ANO3: variants seen among roughly 807,000 people sequenced by gnomAD.
The protein encoded by ANO3 is anoctamin-3.
ANO3 carries 99 observed loss-of-function variants against 144.8 expected under a neutral mutation model. That is an observed-to-expected ratio of 0.68 (90% CI 0.58 to 0.81). The LOEUF (loss-of-function observed/expected upper bound fraction) is 0.81, where lower values mean the gene tolerates loss of function less well. Ranked by LOEUF, ANO3 falls within the 30% of genes least tolerant of loss-of-function variation. The probability of loss-of-function intolerance (pLI) is 0.00; values close to 1 mark genes in which losing one functional copy is unlikely to be tolerated. For missense variants in ANO3, 905 were observed against 1,202.2 expected (o/e 0.75, Z 3.66); for synonymous variants, 414 against 392.6 (o/e 1.05, Z -0.64).
intron 3 of ANO3, among the ~76,000 whole-genome samples, chr11:26,444,249 A>G (rs1858628354): frequency 6.6e-6 from 1 of 152,188 alleles, no homozygotes; most frequent in African/African-American, 2.4e-5. Context: ...AAGTTTACTC[A>G]ATCTCCTTTT....
intron 1 of ANO3, among the ~76,000 whole-genome samples, chr11:26,236,727 A>G (rs1228247205): frequency 4.0e-5 from 6 of 149,474 alleles, no homozygotes; most frequent in African/African-American, 1.5e-4. Flanking sequence ...CTGAGGCAGG[A>G]GAATGGCGTG....
chr11:26,458,643 A>G (rs918747413), intron 3 of ANO3, among the ~76,000 whole-genome samples: 3 of 152,170 alleles, frequency 2.0e-5, no homozygotes, highest in Non-Finnish European at 4.4e-5. Context: ...AAGCAATTTA[A>G]TGGATGCAAA....
At chr11:26,227,111 T>C (rs1852272723) in intron 1 of ANO3, among the ~76,000 whole-genome samples, 1 of 152,194 alleles carries the variant, frequency 6.6e-6, no homozygotes, top group Non-Finnish European at 1.5e-5. Context: ...TCAACCATGT[T>C]GTTACATGTG....
chr11:26,479,440 G>A lies in ANO3; in HGVS notation c.432+16292G>A, dbSNP rs538425990. On this transcript the variant is annotated intron_variant, in intron 4 of 26. Coordinates refer to ENST00000256737, the MANE Select transcript of ANO3 (RefSeq NM_031418.4). ...AGGAAAGAGGTTTAATGGACTCACA[G>A]TTCCACATGGCTGGGGAGGCCTCAT... 2.0e-5 allele frequency among the ~76,000 whole-genome samples: 3 copies of A among 152,270 alleles called. No individual in the cohort carries two copies. The South Asian group carries it at 6.2e-4, about 32-fold the overall frequency.
intron 17 of ANO3, among the ~76,000 whole-genome samples, chr11:26,622,106 C>T (rs1852432115): frequency 6.6e-6 from 1 of 152,132 alleles, no homozygotes; most frequent in African/African-American, 2.4e-5. Context: ...TTTTGTAGCT[C>T]ATCAGTGATG....
chr11:26,499,787 T>A (rs1017441535), intron 4 of ANO3, among the ~76,000 whole-genome samples: 3 of 151,932 alleles, frequency 2.0e-5, no homozygotes, highest in Non-Finnish European at 4.4e-5. Flanking sequence ...TGTAATTACG[T>A]TTAGCAGCTT....
In ANO3 at chr11:26,514,334, T is replaced by C. The variant is rs117473235; in HGVS notation, c.592-2493T>C. On this transcript the variant is annotated intron_variant, in intron 5 of 26. Transcript: ENST00000256737. ...AGTCATCATCATTTTGGGTAGTTTCTGATTTGAGAGGTATGCTGTCAACTG... is the reference window on the plus strand; with the variant it reads ...AGTCATCATCATTTTGGGTAGTTTCCGATTTGAGAGGTATGCTGTCAACTG... 7.8e-3 allele frequency among the ~76,000 whole-genome samples: 1,190 copies of C among 152,224 alleles called. 9 individuals carry two copies. The highest frequency in any genetic ancestry group is 0.013 in the Non-Finnish European group (851 of 67,976).
intron 1 of ANO3, among the ~76,000 whole-genome samples, chr11:26,271,251 G>A (rs138335414): frequency 0.013 from 1,919 of 152,262 alleles, 38 homozygotes; most frequent in Admixed American, 0.019. Flanking sequence ...CACATATGCT[G>A]GGATGAGACC....
At chr11:26,609,578 C>T (rs139247970) in intron 17 of ANO3, among the ~76,000 whole-genome samples, 4 of 152,044 alleles carry the variant, frequency 2.6e-5, no homozygotes, top group African/African-American at 4.8e-5. Flanking sequence ...CTGCAATCAC[C>T]GCTGCTTCTA....
intron 1 of ANO3, among the ~76,000 whole-genome samples, chr11:26,336,341 G>A (rs1193839886): frequency 6.6e-6 from 1 of 152,142 alleles, no homozygotes; most frequent in Non-Finnish European, 1.5e-5. Flanking sequence ...TGGCTTAATG[G>A]GATCAGCTAA....
At chr11:26,587,641 C>G (rs1294417033) in intron 14 of ANO3, among the ~76,000 whole-genome samples, 1 of 152,090 alleles carries the variant, frequency 6.6e-6, no homozygotes, top group Non-Finnish European at 1.5e-5. Flanking sequence ...AGATAGGTCC[C>G]ACTACTGCTA....
At chr11:26,387,813 G>A (rs1856775026) in intron 1 of ANO3, among the ~76,000 whole-genome samples, 1 of 151,906 alleles carries the variant, frequency 6.6e-6, no homozygotes, top group South Asian at 2.1e-4. Context: ...CTTTTGATGG[G>A]CACCAGGGGT....
At chr11:26,456,698 C>A (rs1329955939) in intron 3 of ANO3, among the ~76,000 whole-genome samples, 1 of 110,214 alleles carries the variant, frequency 9.1e-6, no homozygotes, top group Non-Finnish European at 1.8e-5. Context: ...CTAGAAATAC[C>A]ATTTGACCCA....
At chr11:26,424,093 A>C (rs1857842377) in intron 1 of ANO3, among the ~76,000 whole-genome samples, 1 of 152,042 alleles carries the variant, frequency 6.6e-6, no homozygotes, top group African/African-American at 2.4e-5. Flanking sequence ...CCCAAAGAAC[A>C]AAAGAATATT....
At chr11:26,587,254 A>G (rs73434344) in intron 14 of ANO3, among the ~76,000 whole-genome samples, 53 of 152,020 alleles carry the variant, frequency 3.5e-4, no homozygotes, top group African/African-American at 1.3e-3. Flanking sequence ...TTCATCATGT[A>G]TGATTGAAAT....
upstream of ANO3, among the ~76,000 whole-genome samples, chr11:26,308,517 AT>A (rs968112632): frequency 1.1e-4 from 16 of 152,188 alleles, no homozygotes; most frequent in African/African-American, 2.9e-4. Context: ...ATTTTACAGA[AT>A]TTTTTTTCTG....
At chr11:26,536,121 ACCAGCCTGG>A (rs146433684) in intron 9 of ANO3, among the ~76,000 whole-genome samples, 106,706 of 151,378 alleles carry the variant, frequency 0.7, 37,989 homozygotes, top group East Asian at 0.84. Context: ...GGGGTTCAAG[ACCAGCCTGG>A]CCAACATGGT....
intron 5 of ANO3, among the ~76,000 whole-genome samples, chr11:26,515,413 A>G (rs1184114030): frequency 6.6e-6 from 1 of 151,962 alleles, no homozygotes; most frequent in Non-Finnish European, 1.5e-5. Context: ...AACTTTAATC[A>G]TGGAATGAGC....
intron 1 of ANO3, among the ~76,000 whole-genome samples, chr11:26,421,623 T>C (rs1016567262): frequency 6.6e-6 from 1 of 152,062 alleles, no homozygotes; most frequent in Non-Finnish European, 1.5e-5. Flanking sequence ...ATTCTAAAGT[T>C]ATTCTAACAG....
Sources: allele counts gnomAD v4.1 joint callset (sites outside exome capture counted in the v4.1 genomes callset), GRCh38; gene constraint gnomAD v4.1.1; transcripts MANE v1.5; gene names NCBI Gene and HGNC (gene_info 2026-07-23, HGNC 2026-07-21).